Variants in KAT6A observed in about 807,000 individuals in gnomAD.
The protein encoded by KAT6A is histone acetyltransferase KAT6A.
In KAT6A, 9 loss-of-function variants were observed where a neutral mutation model predicts 198.4. The ratio of observed to expected loss-of-function variants is 0.05; its 90% CI spans 0.03 to 0.08. KAT6A has a LOEUF of 0.08. KAT6A is among the 10% of genes least tolerant of loss of function. The pLI, the probability that KAT6A is intolerant of heterozygous loss-of-function variation, is 1.00. For synonymous variants in KAT6A, 890 were observed against 883.0 expected, an observed-to-expected ratio of 1.01 and a Z score of -0.14; for missense variants, 2,077 against 2,509.9, an observed-to-expected ratio of 0.83 and a Z score of 3.69.
chr8:41,976,865 T>A (rs1463444869), intron 7 of KAT6A, 143 bp downstream of exon 7: 1 of 697,434 alleles, frequency 1.4e-6, no homozygotes, highest in East Asian at 2.8e-5. Context: ...CTCAGTATCA[T>A]CTACATGTTT....
At chr8:42,002,030 A>T (rs185579155) in intron 2 of KAT6A, among the ~76,000 whole-genome samples, 1 of 152,198 alleles carries the variant, frequency 6.6e-6, no homozygotes, top group East Asian at 1.9e-4. Flanking sequence ...ATTCTCTCCT[A>T]ATCTTTTGCT....
chr8:41,989,908 A>T lies in KAT6A; in HGVS notation c.601-2345T>A, dbSNP rs368383841. Among the ~76,000 whole-genome samples, 12 of 152,370 alleles carry T rather than the reference A, an allele frequency of 7.9e-5. No homozygotes were observed. In the East Asian group the frequency reaches 1.2e-3, roughly 15 times the overall value. ...GCTAACAGTAGTGCTCAGCCAAGAG[A>T]CTGAGAGATGAACGGCTAGTTGTCT... On this transcript the variant is annotated intron_variant, in intron 2 of 16. Transcript: ENST00000265713.
In KAT6A at chr8:41,987,426, T is replaced by A. The variant is rs1054558044; in HGVS notation, c.709+29A>T. The A allele has an allele frequency of 2.2e-6, 3 of 1,388,214 alleles. No homozygotes were observed. The African/African-American group carries it at 4.3e-5, about 20-fold the overall frequency. The allele number at this position is 1,388,214 out of a possible 1,614,324, so 86.0% of individuals were successfully genotyped here. On this transcript the variant is annotated intron_variant, in intron 3 of 16. Coordinates refer to ENST00000265713, the MANE Select transcript of KAT6A (RefSeq NM_006766.5). ...TTCCGCTTGCCTTCGTAACACATTT[T>A]AGAAGAAAAACAGAAGGAAATCACA...
intron 2 of KAT6A, among the ~76,000 whole-genome samples, chr8:41,996,458 G>A (rs1199794344): frequency 1.3e-5 from 2 of 152,114 alleles, no homozygotes; most frequent in African/African-American, 2.4e-5. Context: ...AGGATAATGA[G>A]CACATCCTAC....
chr8:42,035,891 G>A (rs1407988432), intron 2 of KAT6A, among the ~76,000 whole-genome samples: 1 of 152,104 alleles, frequency 6.6e-6, no homozygotes, highest in Non-Finnish European at 1.5e-5. Context: ...GCCTGCTAAG[G>A]ACTAAAAAGT....
chr8:41,940,781 C>T (rs146033520), intron 15 of KAT6A, 61 bp downstream of exon 15: 15 of 1,537,612 alleles, frequency 9.8e-6, no homozygotes, highest in African/African-American at 2.7e-5. Context: ...TAAGCTAAAA[C>T]GAGAAGGTGT....
intron 2 of KAT6A, among the ~76,000 whole-genome samples, chr8:42,032,279 G>A (rs1048648650): frequency 6.6e-6 from 1 of 152,136 alleles, no homozygotes; most frequent in Non-Finnish European, 1.5e-5. Flanking sequence ...ATATAATTCT[G>A]ACTAAGTAAA....
intron 2 of KAT6A, among the ~76,000 whole-genome samples, chr8:42,002,222 G>GT (rs1458863948): frequency 6.6e-6 from 1 of 152,206 alleles, no homozygotes; most frequent in Non-Finnish European, 1.5e-5. Flanking sequence ...TCATAAAGAT[G>GT]TAAGTGGCAC....
chr8:41,995,453 G>C (rs1315757010), intron 2 of KAT6A, among the ~76,000 whole-genome samples: 1 of 152,100 alleles, frequency 6.6e-6, no homozygotes, highest in Non-Finnish European at 1.5e-5. Context: ...TGGCAGTATT[G>C]AGGCAAACAC....
intron 2 of KAT6A, among the ~76,000 whole-genome samples, chr8:42,008,143 C>A (rs1322930022): frequency 6.6e-6 from 1 of 151,424 alleles, no homozygotes; most frequent in Non-Finnish European, 1.5e-5. Context: ...CTTAACCCCC[C>A]AAAAAAAACC....
chr8:42,051,507 G>A (rs958889831), intron 1 of KAT6A, among the ~76,000 whole-genome samples: 27 of 146,134 alleles, frequency 1.8e-4, no homozygotes, highest in Non-Finnish European at 3.0e-4. Flanking sequence ...GCGCCCCGAG[G>A]GAGAGCGGGC....
In KAT6A at chr8:41,933,423, G is replaced by A; in HGVS notation, c.4797C>T (p.Thr1599=). The change falls in exon 17 of 17, where the codon ACC becomes ACT. Residue 1599 remains threonine, a synonymous_variant. Transcript: ENST00000265713. The surrounding 1 kb of genome is among the most constrained non-coding windows in gnomAD (Gnocchi z 6.2). ...GCTGAGTGACCACACAGCTGCTCTG[G>A]GTGAGGCTGCTGGAGGACGACAGCC... ...YGGLSSSSSL[T]QSSCVVTQQM... 6.2e-7 allele frequency: 1 copy of A among 1,611,830 alleles called. No homozygotes were observed. Among genetic ancestry groups the A allele is most frequent in the Non-Finnish European group, 8.5e-7 (1 of 1,179,422 alleles).
At chr8:41,956,097 T>G (rs1378635347) in intron 8 of KAT6A, among the ~76,000 whole-genome samples, 1 of 152,196 alleles carries the variant, frequency 6.6e-6, no homozygotes, top group African/African-American at 2.4e-5. Flanking sequence ...TAGTCTGAAC[T>G]ACATTATCTA....
intron 8 of KAT6A, among the ~76,000 whole-genome samples, chr8:41,971,487 A>G (rs559329971): frequency 7.2e-4 from 109 of 152,300 alleles, no homozygotes; most frequent in African/African-American, 2.4e-3. Flanking sequence ...CAAGGCAGGC[A>G]TGCTTGGTGT....
chr8:41,932,422 T>C lies in KAT6A; in HGVS notation c.5798A>G (p.Asn1933Ser), dbSNP rs1821596157. ...NSYRMTQPMM[N>S]SSYHSNPAYM... ...GGCAGGGTTACTATGGTAACTGCTG[T>C]TCATCATGGGCTGTGTCATTCGATA... The change falls in exon 17 of 17, where the codon AAC (asparagine) becomes AGC (serine). Residue 1933 changes from asparagine to serine, a missense_variant. Transcript: ENST00000265713. 6.2e-7 allele frequency: 1 copy of C among 1,614,128 alleles called. No individual in the cohort carries two copies. Among genetic ancestry groups the C allele is most frequent in the Admixed American group, 1.7e-5 (1 of 60,006 alleles).
At position 42,019,150 on chromosome 8, in the gene KAT6A, G is replaced by T. The variant is rs561513327; in HGVS notation, c.600+29228C>A. Reference sequence around the variant, plus strand: ...AAAATAAGGGTTTGAATTTAAAGAAGTCCTAAGACTTTTAGTTCTACAACT... The same window carrying T: ...AAAATAAGGGTTTGAATTTAAAGAATTCCTAAGACTTTTAGTTCTACAACT... On this transcript the variant is annotated intron_variant, in intron 2 of 16. Coordinates refer to ENST00000265713, the MANE Select transcript of KAT6A (RefSeq NM_006766.5). 2.0e-5 allele frequency among the ~76,000 whole-genome samples: 3 copies of T among 152,162 alleles called. No individual in the cohort carries two copies. In the East Asian group the frequency reaches 5.8e-4, roughly 29 times the overall value.
intron 2 of KAT6A, among the ~76,000 whole-genome samples, chr8:42,019,996 G>A (rs969394153): frequency 1.3e-5 from 2 of 152,078 alleles, no homozygotes; most frequent in African/African-American, 4.8e-5. Flanking sequence ...AATGTTCCAA[G>A]ATAGCATATT....
chr8:41,998,062 C>T (rs1292327397), intron 2 of KAT6A, among the ~76,000 whole-genome samples: 4 of 152,024 alleles, frequency 2.6e-5, no homozygotes, highest in Non-Finnish European at 5.9e-5. Context: ...ACCCAATACA[C>T]AGTAAGAAGT....
rs1464545883 is a variant in KAT6A, at chr8:41,971,062, G to A, written c.1482+3642C>T. Among the ~76,000 whole-genome samples, 9 of 152,050 alleles carry A rather than the reference G, an allele frequency of 5.9e-5. No homozygotes were observed. The South Asian group carries it at 8.3e-4, about 14-fold the overall frequency. ...CACAGGAAGGGGAACATCACACACC[G>A]GGGCCTGTTGTGGGGTGGGAGGAGG... On this transcript the variant is annotated intron_variant, in intron 8 of 16. Coordinates refer to ENST00000265713, the MANE Select transcript of KAT6A (RefSeq NM_006766.5).
Sources: allele counts gnomAD v4.1 joint callset (sites outside exome capture counted in the v4.1 genomes callset), GRCh38; gene constraint gnomAD v4.1.1; non-coding constraint Gnocchi (gnomAD v3.1); transcripts MANE v1.5; gene names NCBI Gene and HGNC (gene_info 2026-07-23, HGNC 2026-07-21).